The following ATAD5 variants were observed in gnomAD, a reference collection of about 807,000 sequenced individuals.
ATAD5 encodes the protein ATPase family AAA domain containing 5, also known as ATPase family AAA domain-containing protein 5.
In ATAD5, 58 loss-of-function variants were observed where a neutral mutation model predicts 176.9. The observed-to-expected ratio is 0.33, with a 90% confidence interval of 0.27 to 0.41. The LOEUF (loss-of-function observed/expected upper bound fraction) is 0.41. Ranked by LOEUF, ATAD5 falls within the 10% of genes least tolerant of loss-of-function variation. The probability of loss-of-function intolerance (pLI) is 1.00; values close to 1 mark genes in which losing one functional copy is unlikely to be tolerated. For synonymous variants in ATAD5, 640 were observed against 712.6 expected (o/e 0.90, Z 1.62); for missense variants, 1,789 against 2,094.1 (o/e 0.85, Z 2.84).
chr17:30,883,050 C>T (rs187690992), intron 18 of ATAD5, among the ~76,000 whole-genome samples: 16 of 151,740 alleles, frequency 1.1e-4, no homozygotes, highest in African/African-American at 3.6e-4. Flanking sequence ...TATCTAAATA[C>T]GGCTTATTAT....
At position 30,832,378 on chromosome 17, in the gene ATAD5, G is replaced by C. The variant is rs1408059954; in HGVS notation, c.31G>C (p.Ala11Pro). The C allele has an allele frequency of 6.4e-7, 1 of 1,564,484 alleles. No homozygotes were observed. Among genetic ancestry groups the C allele is most frequent in the African/African-American group, 1.4e-5 (1 of 72,094 alleles). Residue 11 changes from alanine to proline, a missense_variant, in exon 1 of 23, where the codon GCT becomes CCT. Physicochemically the swap from Ala to Pro is conservative, Grantham distance 27. Transcript: ENST00000321990. Reference sequence around the variant, plus strand: ...GGGGGTCCTGGCCATGGCGGCTGCAGCTGCTCCGCCTCCCGTGAAGGACTG... The same window carrying C: ...GGGGGTCCTGGCCATGGCGGCTGCACCTGCTCCGCCTCCCGTGAAGGACTG... MVGVLAMAAAAAPPPVKDCEI... is the reference protein window; with the variant it reads MVGVLAMAAAPAPPPVKDCEI...
chr17:30,887,988 C>G (rs1268549893), intron 19 of ATAD5, among the ~76,000 whole-genome samples: 2 of 151,798 alleles, frequency 1.3e-5, no homozygotes, highest in South Asian at 2.1e-4. Flanking sequence ...CCCACCATCA[C>G]GCCCAGCTAA....
intron 14 of ATAD5, 47 bp from the exon 15 acceptor site, chr17:30,876,327 A>G (rs767580689): frequency 2.5e-5 from 37 of 1,505,810 alleles, no homozygotes; most frequent in Non-Finnish European, 3.3e-5. Flanking sequence ...TGCTACCTGT[A>G]TGATTTTTAG....
chr17:30,887,964 T>C (rs1458844663), intron 19 of ATAD5, among the ~76,000 whole-genome samples: 1 of 151,998 alleles, frequency 6.6e-6, no homozygotes, highest in Non-Finnish European at 1.5e-5. Context: ...CCCGAGTAGC[T>C]GGGATTACAG....
intron 6 of ATAD5, among the ~76,000 whole-genome samples, chr17:30,847,591 A>G (rs1906594753): frequency 6.6e-6 from 1 of 151,612 alleles, no homozygotes; most frequent in Non-Finnish European, 1.5e-5. Context: ...CGGCCTCCCA[A>G]AGTGCTGAGA....
rs1567682169 is a variant in ATAD5, at chr17:30,847,716, C to CTTTTTT, written c.2450+2800_2450+2801insTTTTTT. Among the ~76,000 whole-genome samples, 2 of 139,316 alleles carry CTTTTTT rather than the reference C, an allele frequency of 1.4e-5. 1 individual carries two copies. The highest frequency in any genetic ancestry group is 3.1e-5 in the Non-Finnish European group (2 of 64,500). 91.4% of individuals were successfully genotyped at this position (139,316 alleles called of 152,430 possible). A position where few individuals can be genotyped will look rare whatever the true frequency, so the allele number is the denominator to read the frequency against. ...CTATTATTAAATAGACTGCTATGAA[C>CTTTTTT]ATTTTTTTTTTTTTTTTTTTTGAGA... On this transcript the variant is annotated intron_variant, in intron 6 of 22. Coordinates refer to ENST00000321990, the MANE Select transcript of ATAD5 (RefSeq NM_024857.5).
chr17:30,867,561 G>A (rs1168332449), intron 11 of ATAD5, among the ~76,000 whole-genome samples: 1 of 152,102 alleles, frequency 6.6e-6, no homozygotes, highest in Non-Finnish European at 1.5e-5. Flanking sequence ...TAATCTTTCT[G>A]TTGTACATTG....
Position 30,865,797 on chromosome 17 carries a change from A to G in ATAD5, c.3230A>G (p.His1077Arg). Reference sequence around the variant, plus strand: ...AATGAGTTAGCTATAAAAAAGTTACATAGGTTGGTAAAATGTGTAAGGAAT... The same window carrying G: ...AATGAGTTAGCTATAAAAAAGTTACGTAGGTTGGTAAAATGTGTAAGGAAT... ...IGNELAIKKL[H>R]SWLKDWKRRA... Residue 1077 changes from histidine to arginine, a missense_variant, in exon 11 of 23, where the codon CAT becomes CGT. Transcript: ENST00000321990. The G allele has an allele frequency of 1.3e-6, 2 of 1,551,712 alleles. No individual in the cohort carries two copies. Among genetic ancestry groups the G allele is most frequent in the Non-Finnish European group, 1.7e-6 (2 of 1,146,608 alleles).
intron 14 of ATAD5, among the ~76,000 whole-genome samples, chr17:30,871,501 C>G (rs1376933796): frequency 1.3e-5 from 2 of 151,806 alleles, no homozygotes; most frequent in Non-Finnish European, 2.9e-5. Context: ...GCAACCGCCA[C>G]CACGCCCAGC....
At chr17:30,867,643 G>T (rs764150006) in intron 11 of ATAD5, among the ~76,000 whole-genome samples, 5 of 152,052 alleles carry the variant, frequency 3.3e-5, no homozygotes, top group Non-Finnish European at 5.9e-5. Context: ...ACAGGGTCTT[G>T]CTCTGTTGCC....
intron 6 of ATAD5, among the ~76,000 whole-genome samples, chr17:30,854,869 G>A (rs375528255): frequency 6.6e-6 from 1 of 151,574 alleles, no homozygotes. Flanking sequence ...AGTGATTCTC[G>A]TGCCTCAGCC....
intron 6 of ATAD5, among the ~76,000 whole-genome samples, chr17:30,851,545 A>G (rs967843862): frequency 1.3e-5 from 2 of 151,210 alleles, no homozygotes; most frequent in Non-Finnish European, 2.9e-5. Context: ...AGTGGCTCAC[A>G]CCTGTAATCC....
At chr17:30,850,078 C>A (rs1416661652) in intron 6 of ATAD5, among the ~76,000 whole-genome samples, 1 of 151,992 alleles carries the variant, frequency 6.6e-6, no homozygotes, top group African/African-American at 2.4e-5. Flanking sequence ...GAGGTCATGG[C>A]TGCAGTGAGC....
At chr17:30,891,330 A>T (rs559766489) in intron 19 of ATAD5, among the ~76,000 whole-genome samples, 4 of 152,298 alleles carry the variant, frequency 2.6e-5, no homozygotes, top group African/African-American at 9.6e-5. Flanking sequence ...TTACATTTCC[A>T]TGCTTAGTGG....
chr17:30,849,382 C>T (rs1349637638), intron 6 of ATAD5, among the ~76,000 whole-genome samples: 1 of 152,150 alleles, frequency 6.6e-6, no homozygotes, highest in Non-Finnish European at 1.5e-5. Flanking sequence ...AAACGTGCAC[C>T]GCTGCACCCA....
chr17:30,885,038 T>C (rs551558989), intron 18 of ATAD5, among the ~76,000 whole-genome samples: 3 of 151,578 alleles, frequency 2.0e-5, no homozygotes, highest in South Asian at 4.2e-4. Flanking sequence ...TGAGCCACCG[T>C]GCCCAGCTGC....
At chr17:30,859,181 C>T (rs998064290) in intron 9 of ATAD5, among the ~76,000 whole-genome samples, 2 of 152,144 alleles carry the variant, frequency 1.3e-5, no homozygotes, top group Non-Finnish European at 2.9e-5. Flanking sequence ...ACATTAATCC[C>T]CGCCAGTTTC....
intron 6 of ATAD5, among the ~76,000 whole-genome samples, chr17:30,847,716 C>CTTTTTTTTTTT (rs1567682169): frequency 7.2e-6 from 1 of 139,316 alleles, no homozygotes; most frequent in African/African-American, 2.7e-5. Context: ...CTGCTATGAA[C>CTTTTTTTTTTT]ATTTTTTTTT....
At chr17:30,885,623 CT>C (rs778733612) in intron 18 of ATAD5, among the ~76,000 whole-genome samples, 162 of 93,776 alleles carry the variant, frequency 1.7e-3, no homozygotes, top group Middle Eastern at 0.011. Context: ...TTCCAACTTT[CT>C]TTTTTTTTTT....
Sources: gnomAD v4.1 joint callset for allele counts (sites outside exome capture counted in the v4.1 genomes callset) on GRCh38, gnomAD v4.1.1 for gene constraint, MANE v1.5 for transcripts, NCBI Gene and HGNC (gene_info 2026-07-23, HGNC 2026-07-21) for gene names.